TANC1: variants seen among roughly 807,000 people sequenced by gnomAD.
TANC1 encodes tetratricopeptide repeat, ankyrin repeat and coiled-coil containing 1.
TANC1 carries 77 observed loss-of-function variants against 149.7 expected under a neutral mutation model. The observed-to-expected ratio is 0.51, with a 90% CI of 0.43 to 0.62. TANC1 has a LOEUF of 0.62. TANC1 is among the 20% of genes least tolerant of loss of function. TANC1 has a pLI of 0.00. For synonymous variants in TANC1, 854 were observed against 925.0 expected, an observed-to-expected ratio of 0.92 and a Z score of 1.39; for missense variants, 1,985 against 2,321.8, an observed-to-expected ratio of 0.85 and a Z score of 2.98.
chr2:159,038,844 C>T (rs2040404923), intron 2 of TANC1, among the ~76,000 whole-genome samples: 1 of 152,146 alleles, frequency 6.6e-6, no homozygotes, highest in African/African-American at 2.4e-5. Context: ...GCTTTGGTAT[C>T]AGGATGATGC....
At chr2:159,067,192 T>C (rs1037697902) in intron 3 of TANC1, among the ~76,000 whole-genome samples, 3 of 152,218 alleles carry the variant, frequency 2.0e-5, no homozygotes, top group Admixed American at 6.5e-5. Context: ...TCCATACTTA[T>C]ATAAGAGAAT....
At chr2:159,099,482 A>C (rs1318276598) in intron 4 of TANC1, among the ~76,000 whole-genome samples, 1 of 151,692 alleles carries the variant, frequency 6.6e-6, no homozygotes, top group East Asian at 1.9e-4. Flanking sequence ...CCCCTGAATT[A>C]GTGGGTATAT....
At position 159,229,704 on chromosome 2, in the gene TANC1, A is replaced by G. The variant is rs2060233387; in HGVS notation, c.4278A>G (p.Gln1426=). 6.2e-7 allele frequency: 1 copy of G among 1,614,038 alleles called. No individual in the cohort carries two copies. Among genetic ancestry groups the G allele is most frequent in the African/African-American group, 1.3e-5 (1 of 75,002 alleles). The change falls in exon 27 of 27, where the codon CAA becomes CAG. Residue 1426 remains glutamine (Q), a synonymous_variant. Coordinates refer to ENST00000263635, the MANE Select transcript of TANC1 (RefSeq NM_033394.3). Reference sequence around the variant, plus strand: ...AACAACTCCAGAGGAGTCAACAGCAAAAACAGCAGGGCCCGCTACCAGCTC... The same window carrying G: ...AACAACTCCAGAGGAGTCAACAGCAGAAACAGCAGGGCCCGCTACCAGCTC... The part of the protein sequence containing the change: ...ECKQLQRSQQ[Q]KQQGPLPAPL...
In TANC1 at chr2:159,230,772, C is replaced by T. The variant is rs1559507080; in HGVS notation, c.5346C>T (p.Ala1782=). 2 of 1,614,186 alleles carry T rather than the reference C, an allele frequency of 1.2e-6. No individual in the cohort carries two copies. The highest frequency in any genetic ancestry group is 3.3e-5 in the Admixed American group (2 of 60,012). ...AAGTGGGAGGATATAATAACCAAGC[C>T]AAAACCTGTTCTGTTTCTACCCTGA... is the stretch of plus-strand genomic sequence containing the variant. ...LMQVGGYNNQ[A]KTCSVSTLSA... Residue 1782 remains alanine (A), a synonymous_variant, in exon 27 of 27, where the codon GCC becomes GCT. Coordinates refer to ENST00000263635, the MANE Select transcript of TANC1 (RefSeq NM_033394.3). The surrounding 1 kb of genome is among the most constrained non-coding windows in gnomAD (Gnocchi z 4.4).
intron 2 of TANC1, among the ~76,000 whole-genome samples, chr2:159,023,885 T>C (rs937030606): frequency 6.6e-6 from 1 of 151,888 alleles, no homozygotes; most frequent in Non-Finnish European, 1.5e-5. Context: ...GGAGAATCAC[T>C]TGAACCCAGG....
chr2:159,108,083 A>G (rs1049417768), intron 4 of TANC1, among the ~76,000 whole-genome samples: 1 of 152,214 alleles, frequency 6.6e-6, no homozygotes, highest in Non-Finnish European at 1.5e-5. Flanking sequence ...CATCAGTTCC[A>G]TGTGATTGGT....
At chr2:159,203,941 C>T (rs572749691) in intron 19 of TANC1, among the ~76,000 whole-genome samples, 2 of 152,160 alleles carry the variant, frequency 1.3e-5, no homozygotes, top group Admixed American at 6.5e-5. Context: ...GTATGGCAAC[C>T]GTCCGTTCTA....
chr2:159,167,206 ACTGTTCTGGCT>A (rs1429254265), intron 8 of TANC1, among the ~76,000 whole-genome samples: 1 of 152,186 alleles, frequency 6.6e-6, no homozygotes, highest in Admixed American at 6.5e-5. Flanking sequence ...GATGTTCATG[ACTGTTCTGGCT>A]CTGAAATGAA....
chr2:159,049,145 T>C (rs368329778), intron 2 of TANC1, among the ~76,000 whole-genome samples: 1 of 152,252 alleles, frequency 6.6e-6, no homozygotes, highest in South Asian at 2.1e-4. Context: ...AGGGCCCTTT[T>C]AATACATAGA....
chr2:159,225,168 G>A (rs2059940287), intron 23 of TANC1: 1 of 163,744 alleles, frequency 6.1e-6, no homozygotes, highest in Non-Finnish European at 1.3e-5. Context: ...ACTCGCCGTG[G>A]GGACCTAGCA....
chr2:159,193,135 C>A (rs971720113), intron 16 of TANC1, among the ~76,000 whole-genome samples: 1 of 152,192 alleles, frequency 6.6e-6, no homozygotes, highest in Non-Finnish European at 1.5e-5. Flanking sequence ...ACTCTCATTT[C>A]CCCTGTGCCC....
At chr2:159,143,062 C>CAAAAAAAAAAAAAAAAAA (rs70994269) in intron 5 of TANC1, among the ~76,000 whole-genome samples, 1 of 87,368 alleles carries the variant, frequency 1.1e-5, no homozygotes, top group Non-Finnish European at 2.0e-5. Flanking sequence ...GACTCTGTCT[C>CAAAAAAAAAAAAAAAAAA]AAAAAAAAAA....
intron 3 of TANC1, among the ~76,000 whole-genome samples, chr2:159,068,519 T>G (rs929512952): frequency 5.3e-5 from 8 of 152,174 alleles, no homozygotes; most frequent in Non-Finnish European, 1.2e-4. Context: ...GTTAAACCTA[T>G]TTTGAGAATT....
rs150789013 is a variant in TANC1 at position 159,028,341 on chromosome 2, G to A, written c.-16+27152G>A. 3.6e-3 allele frequency among the ~76,000 whole-genome samples: 553 copies of A among 152,182 alleles called. 5 individuals carry two copies. Among genetic ancestry groups the A allele is most frequent in the African/African-American group, 0.012 (511 of 41,524 alleles). On this transcript the variant is annotated intron_variant, in intron 2 of 26. Transcript: ENST00000263635. ...TCACCATGTTGGCCAAGCTGGTCTC[G>A]AACTTCTGACCTCAAGTGATTTGCC...
chr2:159,213,477 A>G (rs930709426), intron 19 of TANC1, among the ~76,000 whole-genome samples: 5 of 151,618 alleles, frequency 3.3e-5, no homozygotes, highest in Admixed American at 2.0e-4. Context: ...CCATTCTGCT[A>G]ATGGTATTTA....
At chr2:159,097,590 T>G in intron 3 of TANC1, 47 bp from the exon 4 acceptor site, 1 of 1,446,288 alleles carries the variant, frequency 6.9e-7, no homozygotes, top group Non-Finnish European at 9.7e-7. Flanking sequence ...TTGCATCAAC[T>G]TATAATGAAT....
chr2:159,207,725 A>AAAAAAAAAAAAAC (rs1559460731), intron 19 of TANC1, among the ~76,000 whole-genome samples: 1 of 133,974 alleles, frequency 7.5e-6, no homozygotes, highest in African/African-American at 3.3e-5. Context: ...AAAAAAAAAA[A>AAAAAAAAAAAAAC]AACAACTCAG....
At position 159,199,066 on chromosome 2, in the gene TANC1, C is replaced by A; in HGVS notation, c.3244+13C>A. On this transcript the variant is annotated intron_variant, in intron 19 of 26. Transcript: ENST00000263635. Reference sequence around the variant, plus strand: ...TGGGGAGAAACAGGTAATTATAATGCCACTGCTTGTAGTCTGGGGCAGCTT... The same window carrying A: ...TGGGGAGAAACAGGTAATTATAATGACACTGCTTGTAGTCTGGGGCAGCTT... 1 of 1,606,362 alleles carries A rather than the reference C, an allele frequency of 6.2e-7. No homozygotes were observed. Among genetic ancestry groups the A allele is most frequent in the African/African-American group, 1.3e-5 (1 of 74,840 alleles).
rs2055116481 is a variant in TANC1 at position 159,170,779 on chromosome 2, C to T, written c.1325C>T (p.Ser442Phe). Residue 442 changes from serine (S) to phenylalanine (F), a missense_variant, in exon 10 of 27, where the codon TCC (serine) becomes TTC (phenylalanine). By Grantham distance (155) the Ser-to-Phe change is radical (BLOSUM62 -2). Coordinates refer to ENST00000263635, the MANE Select transcript of TANC1 (RefSeq NM_033394.3). Reference sequence around the variant, plus strand: ...GGAAGCCGCATGAGGCAGATTGCTTCCAACAGCCCGGGTTCATCACCTAAA... The same window carrying T: ...GGAAGCCGCATGAGGCAGATTGCTTTCAACAGCCCGGGTTCATCACCTAAA... ...CHGSRMRQIASNSPGSSPKTS... is the reference protein window; with the variant it reads ...CHGSRMRQIAFNSPGSSPKTS... 1.2e-6 allele frequency: 2 copies of T among 1,614,084 alleles called. No individual in the cohort carries two copies. The highest frequency in any genetic ancestry group is 1.3e-5 in the African/African-American group (1 of 75,050).
Sources: allele counts gnomAD v4.1 joint callset (sites outside exome capture counted in the v4.1 genomes callset), GRCh38; gene constraint gnomAD v4.1.1; non-coding constraint Gnocchi (gnomAD v3.1); transcripts MANE v1.5; gene names NCBI Gene and HGNC (gene_info 2026-07-23, HGNC 2026-07-21).